The following RFX3 variants were observed in gnomAD, a reference collection of about 807,000 sequenced individuals.
RFX3 encodes transcription factor RFX3.
Under a neutral mutation model 98.6 loss-of-function variants are expected in RFX3, and 14 were observed. That is an observed-to-expected ratio of 0.14 (90% CI 0.09 to 0.22). The LOEUF (loss-of-function observed/expected upper bound fraction) is 0.22, where lower values mean the gene tolerates loss of function less well. Ranked by LOEUF, RFX3 falls within the 10% of genes least tolerant of loss-of-function variation. The pLI is 1.00. For synonymous variants in RFX3, 383 were observed against 328.4 expected, an observed-to-expected ratio of 1.17 and a Z score of -1.80; for missense variants, 639 against 926.9, an observed-to-expected ratio of 0.69 and a Z score of 4.03.
At chr9:3,290,769 C>G (rs1185638593) in intron 6 of RFX3, among the ~76,000 whole-genome samples, 1 of 152,042 alleles carries the variant, frequency 6.6e-6, no homozygotes, top group Non-Finnish European at 1.5e-5. Flanking sequence ...TACAGAAAAG[C>G]AATAATTCAT....
intron 1 of RFX3, among the ~76,000 whole-genome samples, chr9:3,421,845 T>C (rs1242262630): frequency 1.3e-5 from 2 of 152,132 alleles, no homozygotes; most frequent in Non-Finnish European, 2.9e-5. Context: ...CAATGGCACC[T>C]AAGAGAGCCT....
chr9:3,516,921 G>T (rs952928509), intron 1 of RFX3, among the ~76,000 whole-genome samples: 1 of 152,242 alleles, frequency 6.6e-6, no homozygotes, highest in African/African-American at 2.4e-5. Flanking sequence ...CTATGTGGGT[G>T]AGAAAATGAG....
chr9:3,461,883 C>T (rs1436271965), intron 1 of RFX3, among the ~76,000 whole-genome samples: 1 of 151,912 alleles, frequency 6.6e-6, no homozygotes, highest in Non-Finnish European at 1.5e-5. Flanking sequence ...TTTGTTTTTA[C>T]ATACAAATAA....
intron 1 of RFX3, chr9:3,524,361 T>C (rs971926694): frequency 1.9e-5 from 4 of 210,242 alleles, no homozygotes; most frequent in African/African-American, 9.4e-5. Context: ...AAGGAAAAAG[T>C]TCTCTCTCCT....
chr9:3,254,412 G>T (rs985803821), intron 14 of RFX3, among the ~76,000 whole-genome samples: 11 of 152,114 alleles, frequency 7.2e-5, no homozygotes, highest in African/African-American at 2.4e-4. Flanking sequence ...ATAAGTTTTG[G>T]AACAGCCAGT....
At chr9:3,426,876 AAATGT>A (rs1844088132) in intron 1 of RFX3, among the ~76,000 whole-genome samples, 1 of 152,098 alleles carries the variant, frequency 6.6e-6, no homozygotes. Context: ...AGCACACAAT[AAATGT>A]AATGTATTTG....
At chr9:3,324,634 G>A (rs1255887071) in intron 4 of RFX3, among the ~76,000 whole-genome samples, 1 of 151,222 alleles carries the variant, frequency 6.6e-6, no homozygotes, top group East Asian at 1.9e-4. Context: ...TATTCTGCTT[G>A]AATATTCTGC....
intron 1 of RFX3, among the ~76,000 whole-genome samples, chr9:3,454,173 C>G (rs977430642): frequency 6.6e-6 from 1 of 152,090 alleles, no homozygotes; most frequent in Non-Finnish European, 1.5e-5. Flanking sequence ...ATATTTTACC[C>G]TGATTTCTAC....
chr9:3,278,656 A>G (rs2131442524), intron 7 of RFX3, among the ~76,000 whole-genome samples: 1 of 151,970 alleles, frequency 6.6e-6, no homozygotes, highest in African/African-American at 2.4e-5. Flanking sequence ...ACATCATACA[A>G]ACTAATGCTC....
intron 2 of RFX3, among the ~76,000 whole-genome samples, chr9:3,392,549 G>C (rs1260873520): frequency 3.3e-5 from 5 of 151,670 alleles, no homozygotes; most frequent in Non-Finnish European, 7.4e-5. Context: ...AACAGAGGGG[G>C]AGGTAATCAT....
chr9:3,244,657 C>A (rs1820401599), intron 15 of RFX3, among the ~76,000 whole-genome samples: 1 of 152,158 alleles, frequency 6.6e-6, no homozygotes, highest in Admixed American at 6.5e-5. Flanking sequence ...GAGTTAACAT[C>A]TTTTGTCCTT....
intron 2 of RFX3, among the ~76,000 whole-genome samples, chr9:3,348,308 T>C (rs187350970): frequency 4.6e-5 from 7 of 152,252 alleles, no homozygotes; most frequent in African/African-American, 1.4e-4. Context: ...TATTGTACCA[T>C]ATCAGTTGAC....
rs1361454424 is a variant in RFX3 at position 3,370,014 on chromosome 9, T to TG, written c.118-23251dup. On this transcript the variant is annotated intron_variant, in intron 2 of 16. Transcript: ENST00000617270. ...CGGCTAATTTTTTTTTTTTTTTTTTTGTATTTTTAGTAGAGACGGGGTTTC... is the reference window on the plus strand; with the variant it reads ...CGGCTAATTTTTTTTTTTTTTTTTTTGGTATTTTTAGTAGAGACGGGGTTTC... Among the ~76,000 whole-genome samples, 15 of 140,852 alleles carry TG rather than the reference T, an allele frequency of 1.1e-4. No homozygotes were observed. In the East Asian group the frequency reaches 2.8e-3, roughly 26 times the overall value. 92.4% of individuals were successfully genotyped at this position (140,852 alleles called of 152,430 possible). A position where few individuals can be genotyped will look rare whatever the true frequency, so the allele number is the denominator to read the frequency against.
intron 1 of RFX3, among the ~76,000 whole-genome samples, chr9:3,486,165 A>T (rs183593342): frequency 4.7e-4 from 71 of 150,324 alleles, no homozygotes; most frequent in African/African-American, 1.5e-3. Flanking sequence ...AATAATACAG[A>T]TATTATTTAG....
intron 2 of RFX3, among the ~76,000 whole-genome samples, chr9:3,347,093 G>A (rs536639363): frequency 6.6e-6 from 1 of 152,220 alleles, no homozygotes; most frequent in South Asian, 2.1e-4. Context: ...GGCCAAAGTG[G>A]GCAGATTGCC....
At chr9:3,403,386 C>T (rs888365266) in intron 1 of RFX3, among the ~76,000 whole-genome samples, 3 of 152,026 alleles carry the variant, frequency 2.0e-5, no homozygotes, top group African/African-American at 7.2e-5. Context: ...TGTTGTAATC[C>T]TCATGACTGT....
intron 1 of RFX3, among the ~76,000 whole-genome samples, chr9:3,423,344 T>G (rs938525298): frequency 3.3e-5 from 5 of 152,194 alleles, no homozygotes. Flanking sequence ...CAAAGATTCA[T>G]AGAAACTTTG....
At chr9:3,301,498 A>T (rs774953234) in intron 5 of RFX3, 48 bp downstream of exon 5, 1 of 1,304,458 alleles carries the variant, frequency 7.7e-7, no homozygotes, top group Non-Finnish European at 1.1e-6. Flanking sequence ...CAAGCAACAC[A>T]TGCAGAACAA....
Position 3,218,569 on chromosome 9 carries a change from T to TTTAGCATTTCTCACA in RFX3, c.*6472_*6473insTGTGAGAAATGCTAA, listed in dbSNP as rs1400733887. 2.0e-5 allele frequency: 3 copies of TTTAGCATTTCTCACA among 152,182 alleles called. No homozygotes were observed. The highest frequency in any genetic ancestry group is 4.4e-5 in the Non-Finnish European group (3 of 68,028). The allele number at this position is 152,182 out of a possible 1,614,324, so 9.4% of individuals were successfully genotyped here. Reference sequence around the variant, plus strand: ...TCCTGCCAATTTTGAGAGGACATGATATACTAAAAGATTTAGCATTTCTCA... The same window carrying TTTAGCATTTCTCACA: ...TCCTGCCAATTTTGAGAGGACATGATTTAGCATTTCTCACAATACTAAAAGATTTAGCATTTCTCA... On this transcript the variant is annotated 3_prime_UTR_variant, in exon 17 of 17. Transcript: ENST00000617270.
Sources: gnomAD v4.1 joint callset for allele counts (sites outside exome capture counted in the v4.1 genomes callset) on GRCh38, gnomAD v4.1.1 for gene constraint, MANE v1.5 for transcripts, NCBI Gene and HGNC (gene_info 2026-07-23, HGNC 2026-07-21) for gene names.